The following SYCP1 variants were observed in gnomAD, a reference collection of about 807,000 sequenced individuals.
SYCP1 encodes the protein cancer/testis antigen 8.
SYCP1 carries 64 observed loss-of-function variants against 153.1 expected under a neutral mutation model. The observed-to-expected ratio is 0.42, with a 90% CI of 0.34 to 0.51. The LOEUF (loss-of-function observed/expected upper bound fraction) is 0.51, where lower values mean the gene tolerates loss of function less well. Among genes scored for constraint, SYCP1 ranks in the 20% least tolerant of loss-of-function variants. The pLI is 0.06. For missense variants in SYCP1, 997 were observed against 1,049.0 expected (o/e 0.95, Z 0.68); for synonymous variants, 384 against 341.8 (o/e 1.12, Z -1.36).
intron 27 of SYCP1, among the ~76,000 whole-genome samples, chr1:114,977,057 C>T (rs1349889435): frequency 6.6e-6 from 1 of 151,726 alleles, no homozygotes; most frequent in Non-Finnish European, 1.5e-5. Flanking sequence ...ATGATATTAG[C>T]ATATCACTCT....
At chr1:114,988,080 CA>C (rs34553973) in intron 30 of SYCP1, among the ~76,000 whole-genome samples, 50,748 of 114,410 alleles carry the variant, frequency 0.44, 9,832 homozygotes, top group East Asian at 0.53. Flanking sequence ...TGATAAACGG[CA>C]AAAAAAAAAA....
intron 27 of SYCP1, among the ~76,000 whole-genome samples, chr1:114,952,411 G>GT (rs536708532): frequency 1.1e-3 from 171 of 152,238 alleles, no homozygotes; most frequent in Middle Eastern, 3.4e-3. Flanking sequence ...GTTGAACAGT[G>GT]TATTAGTCTA....
intron 20 of SYCP1, 74 bp downstream of exon 20, chr1:114,914,119 T>C: frequency 1.6e-5 from 18 of 1,145,072 alleles, no homozygotes; most frequent in Non-Finnish European, 2.2e-5. Flanking sequence ...CTTGTTATCA[T>C]TAATTTAAAT....
intron 27 of SYCP1, among the ~76,000 whole-genome samples, chr1:114,965,165 GT>G (rs1348023221): frequency 6.6e-6 from 1 of 152,112 alleles, no homozygotes; most frequent in Non-Finnish European, 1.5e-5. Flanking sequence ...CTGTTTGTCT[GT>G]TATTGGTGTA....
At chr1:114,950,014 T>C (rs1290568613) in intron 27 of SYCP1, among the ~76,000 whole-genome samples, 3 of 152,218 alleles carry the variant, frequency 2.0e-5, no homozygotes, top group Non-Finnish European at 2.9e-5. Context: ...GGGCTTGTGA[T>C]AGATTGTTTT....
chr1:114,878,820 G>A (rs1257503521), intron 12 of SYCP1, among the ~76,000 whole-genome samples: 1 of 152,162 alleles, frequency 6.6e-6, no homozygotes, highest in Non-Finnish European at 1.5e-5. Context: ...TGGGATTACG[G>A]GCGTGAGCCA....
chr1:114,936,827 C>G (rs1264731843), intron 23 of SYCP1, among the ~76,000 whole-genome samples: 3 of 152,128 alleles, frequency 2.0e-5, no homozygotes, highest in Admixed American at 6.6e-5. Context: ...ACCTAGGAAT[C>G]CAACTTACAA....
intron 28 of SYCP1, among the ~76,000 whole-genome samples, chr1:114,978,237 C>CTAGCA (rs1433113064): frequency 6.6e-6 from 1 of 151,578 alleles, no homozygotes; most frequent in Non-Finnish European, 1.5e-5. Flanking sequence ...TAGAGCTTGA[C>CTAGCA]TAGCATAGGT....
Position 114,878,189 on chromosome 1 carries a change from A to T in SYCP1, c.897A>T (p.Leu299Phe), listed in dbSNP as rs1289404640. The change falls in exon 12 of 32, where the codon TTA (leucine) becomes TTT (phenylalanine). Residue 299 changes from leucine to phenylalanine, a missense_variant. Physicochemically the swap from Leu to Phe is conservative, Grantham distance 22. Transcript: ENST00000369522. ...AATCCAGAGATAAAGTTAATCAATT[A>T]GAGGAAAAGACAAGTAAGAGTTTAT... The part of the protein sequence containing the change: ...LEESRDKVNQ[L>F]EEKTKLQSEN... 1 of 1,544,778 alleles carries T rather than the reference A, an allele frequency of 6.5e-7. No homozygotes were observed.
In SYCP1 at chr1:114,871,537, T is replaced by A. The variant is rs187283339; in HGVS notation, c.599-2969T>A. 9.2e-5 allele frequency among the ~76,000 whole-genome samples: 14 copies of A among 152,248 alleles called. No homozygotes were observed. In the East Asian group the frequency reaches 2.7e-3, roughly 29 times the overall value. ...TATATAAAGCATAAATAAGCATTTA[T>A]AATCTAATACATTGTTGCTATTTTT... On this transcript the variant is annotated intron_variant, in intron 8 of 31. Coordinates refer to ENST00000369522, the MANE Select transcript of SYCP1 (RefSeq NM_003176.4).
At chr1:114,969,833 T>A (rs1261839050) in intron 27 of SYCP1, among the ~76,000 whole-genome samples, 1 of 152,122 alleles carries the variant, frequency 6.6e-6, no homozygotes, top group Admixed American at 6.5e-5. Flanking sequence ...AAAAACATAG[T>A]ATCTGGGCCA....
rs1557850405 is a variant in SYCP1 at position 114,981,357 on chromosome 1, G to A, written c.2404G>A (p.Glu802Lys). ...KDKKTQTFLL[E>K]TPEIYWKLDS... ...GCAGAAAACACAAACATTTTTATTG[G>A]AAACACCTGAAATTTATTGGAAATT... The change falls in exon 29 of 32, where the codon GAA becomes AAA. Residue 802 changes from glutamate to lysine, a missense_variant. Coordinates refer to ENST00000369522, the MANE Select transcript of SYCP1 (RefSeq NM_003176.4). The A allele has an allele frequency of 6.3e-7, 1 of 1,593,336 alleles. No homozygotes were observed. Among genetic ancestry groups the A allele is most frequent in the Non-Finnish European group, 8.5e-7 (1 of 1,173,304 alleles).
chr1:114,862,946 T>C (rs1664478558), intron 8 of SYCP1: 1 of 152,212 alleles, frequency 6.6e-6, no homozygotes, highest in Admixed American at 6.5e-5. Context: ...TAGATGCTGA[T>C]GAAAAACAGC....
chr1:114,967,183 A>G (rs904686487), intron 27 of SYCP1, among the ~76,000 whole-genome samples: 1 of 152,154 alleles, frequency 6.6e-6, no homozygotes, highest in Non-Finnish European at 1.5e-5. Context: ...GTAGATGTCT[A>G]TTAGGTCTGT....
intron 27 of SYCP1, among the ~76,000 whole-genome samples, chr1:114,970,506 G>T (rs1672413983): frequency 6.7e-6 from 1 of 150,140 alleles, no homozygotes; most frequent in Admixed American, 6.7e-5. Flanking sequence ...CATATTACCA[G>T]AATTGTTTTT....
chr1:114,988,904 G>T (rs893428382), intron 30 of SYCP1, among the ~76,000 whole-genome samples: 6 of 151,940 alleles, frequency 3.9e-5, no homozygotes, highest in African/African-American at 1.4e-4. Context: ...AAAATGGGCT[G>T]GGCACAGTGG....
At position 114,966,689 on chromosome 1, in the gene SYCP1, CT is replaced by C. The variant is rs373044329; in HGVS notation, c.2323-10854del. Among the ~76,000 whole-genome samples the C allele has an allele frequency of 7.2e-3, 1,017 of 140,352 alleles. 2 individuals carry two copies. The highest frequency in any genetic ancestry group is 9.0e-3 in the African/African-American group (347 of 38,520). 92.1% of individuals were successfully genotyped at this position (140,352 alleles called of 152,430 possible). On this transcript the variant is annotated intron_variant, in intron 27 of 31. Transcript: ENST00000369522. ...TTCCTGTTTTCTTTTTTCTTTCTTT[CT>C]TTTTTTTTTTTTTAGATGGAGTCTC...
chr1:114,936,955 A>T (rs1670052171), intron 23 of SYCP1, among the ~76,000 whole-genome samples: 1 of 152,226 alleles, frequency 6.6e-6, no homozygotes, highest in Non-Finnish European at 1.5e-5. Flanking sequence ...AGATCATGAA[A>T]ATGGCCATAC....
In SYCP1 at chr1:114,944,340, T is replaced by C; in HGVS notation, c.1928T>C (p.Val643Ala). 6.4e-7 allele frequency: 1 copy of C among 1,558,444 alleles called. No homozygotes were observed. The highest frequency in any genetic ancestry group is 8.8e-7 in the Non-Finnish European group (1 of 1,136,270). The change falls in exon 24 of 32, where the codon GTC becomes GCC. Residue 643 changes from valine to alanine, a missense_variant and splice_region_variant. Coordinates refer to ENST00000369522, the MANE Select transcript of SYCP1 (RefSeq NM_003176.4). The stretch of plus-strand genomic sequence containing the variant: ...CATGCTATTTTTCTTTACTTAAAGG[T>C]CAATAAATTAGAGTTAGAACTAGAA... ...SKQLNVYEIK[V>A]NKLELELESA...
Sources: allele counts gnomAD v4.1 joint callset (sites outside exome capture counted in the v4.1 genomes callset), GRCh38; gene constraint gnomAD v4.1.1; transcripts MANE v1.5; gene names NCBI Gene and HGNC (gene_info 2026-07-23, HGNC 2026-07-21).